The following GRID2 variants were observed in gnomAD, a reference collection of about 807,000 sequenced individuals.
The protein encoded by GRID2 is glutamate ionotropic receptor delta type subunit 2, also known as glutamate receptor ionotropic, delta-2.
Under a neutral mutation model 114.8 loss-of-function variants are expected in GRID2, and 33 were observed. The observed-to-expected ratio is 0.29, with a 90% CI of 0.22 to 0.38. GRID2 has a LOEUF of 0.38. Among genes scored for constraint, GRID2 ranks in the 10% least tolerant of loss-of-function variants. The pLI is 1.00. For synonymous variants in GRID2, 505 were observed against 449.9 expected, an observed-to-expected ratio of 1.12 and a Z score of -1.55; for missense variants, 1,184 against 1,257.7, an observed-to-expected ratio of 0.94 and a Z score of 0.89.
chr4:93,474,856 A>G (rs1304111519), intron 11 of GRID2, among the ~76,000 whole-genome samples: 1 of 152,184 alleles, frequency 6.6e-6, no homozygotes, highest in Non-Finnish European at 1.5e-5. Flanking sequence ...AGATTAAATA[A>G]GAATACAGTT....
intron 1 of GRID2, among the ~76,000 whole-genome samples, chr4:92,393,081 A>G (rs1389718544): frequency 1.3e-5 from 2 of 152,146 alleles, no homozygotes; most frequent in Admixed American, 6.5e-5. Context: ...AGAAGCGGGC[A>G]CTTCACATGG....
In GRID2 at chr4:92,938,282, G is replaced by T. The variant is rs1287290373; in HGVS notation, c.245-146713G>T. On this transcript the variant is annotated intron_variant, in intron 2 of 15. Coordinates refer to ENST00000282020, the MANE Select transcript of GRID2 (RefSeq NM_001510.4). ...GATAAATTATCAGTTCTTATTTTTAGTTGGGATTCTTTTCTTATCAATAGC... is the reference window on the plus strand; with the variant it reads ...GATAAATTATCAGTTCTTATTTTTATTTGGGATTCTTTTCTTATCAATAGC... Among the ~76,000 whole-genome samples, 3 of 146,364 alleles carry T rather than the reference G, an allele frequency of 2.0e-5. 1 individual carries two copies. Among genetic ancestry groups the T allele is most frequent in the Non-Finnish European group, 4.5e-5 (3 of 66,148 alleles).
intron 2 of GRID2, among the ~76,000 whole-genome samples, chr4:92,708,711 G>GA (rs1735069312): frequency 6.6e-6 from 1 of 151,866 alleles, no homozygotes; most frequent in South Asian, 2.1e-4. Context: ...TGTTTGTAGC[G>GA]AATGTCTTTT....
chr4:92,450,948 T>G (rs911099158), intron 1 of GRID2, among the ~76,000 whole-genome samples: 1 of 150,276 alleles, frequency 6.7e-6, no homozygotes, highest in African/African-American at 2.4e-5. Context: ...ATAAATTTAA[T>G]TTAAATTTAT....
intron 2 of GRID2, among the ~76,000 whole-genome samples, chr4:92,683,108 G>C (rs1443972878): frequency 6.6e-6 from 1 of 152,086 alleles, no homozygotes; most frequent in Non-Finnish European, 1.5e-5. Context: ...GACCATCCTG[G>C]CTAACACGGT....
intron 1 of GRID2, among the ~76,000 whole-genome samples, chr4:93,785,681 C>T (rs1387570399): frequency 2.0e-5 from 3 of 152,098 alleles, no homozygotes; most frequent in Admixed American, 6.5e-5. Context: ...GACTTTAAAG[C>T]GGTGACCTGA....
At chr4:93,211,376 A>C (rs1368095783) in intron 5 of GRID2, among the ~76,000 whole-genome samples, 1 of 152,140 alleles carries the variant, frequency 6.6e-6, no homozygotes, top group Non-Finnish European at 1.5e-5. Context: ...ATTATGATTC[A>C]TGTTTTTAAA....
intron 14 of GRID2, among the ~76,000 whole-genome samples, chr4:93,683,290 A>G (rs1344026505): frequency 6.6e-6 from 1 of 152,176 alleles, no homozygotes; most frequent in African/African-American, 2.4e-5. Context: ...AATGCACTGA[A>G]TTTTAATCAT....
intron 2 of GRID2, among the ~76,000 whole-genome samples, chr4:92,682,682 G>GCACACACACACA (rs57217377): frequency 0.017 from 2,439 of 142,752 alleles, 23 homozygotes; most frequent in Non-Finnish European, 0.021. Flanking sequence ...AAATCGCAGG[G>GCACACACACACA]CACACACACA....
At chr4:92,705,400 A>G (rs980210748) in intron 2 of GRID2, among the ~76,000 whole-genome samples, 25 of 152,182 alleles carry the variant, frequency 1.6e-4, no homozygotes, top group Non-Finnish European at 1.9e-4. Context: ...GAAAGTGCTT[A>G]AGAAATATGA....
intron 8 of GRID2, among the ~76,000 whole-genome samples, chr4:93,339,108 T>C (rs970192127): frequency 6.6e-6 from 1 of 152,184 alleles, no homozygotes; most frequent in African/African-American, 2.4e-5. Flanking sequence ...GAGGCATTGC[T>C]TCATGTTATT....
At chr4:93,001,342 T>A (rs1408081666) in intron 2 of GRID2, among the ~76,000 whole-genome samples, 1 of 151,668 alleles carries the variant, frequency 6.6e-6, no homozygotes, top group Non-Finnish European at 1.5e-5. Flanking sequence ...TCATTAGTGA[T>A]GATTATATAA....
At chr4:92,951,018 G>C (rs945625893) in intron 2 of GRID2, among the ~76,000 whole-genome samples, 20 of 152,014 alleles carry the variant, frequency 1.3e-4, no homozygotes, top group African/African-American at 4.3e-4. Context: ...ATATTGCTTT[G>C]TTCTTCTAAA....
At chr4:92,627,825 C>A (rs910457305) in intron 2 of GRID2, among the ~76,000 whole-genome samples, 3 of 152,054 alleles carry the variant, frequency 2.0e-5, no homozygotes, top group Non-Finnish European at 4.4e-5. Context: ...CCTAGACAAA[C>A]AACAAAACAA....
intron 1 of GRID2, among the ~76,000 whole-genome samples, chr4:92,585,872 G>A (rs1728410381): frequency 6.6e-6 from 1 of 151,742 alleles, no homozygotes; most frequent in Non-Finnish European, 1.5e-5. Flanking sequence ...GGGTTTTCTG[G>A]AATCGTAATA....
intron 1 of GRID2, among the ~76,000 whole-genome samples, chr4:92,453,626 G>A (rs1477643398): frequency 6.6e-6 from 1 of 152,006 alleles, no homozygotes; most frequent in Non-Finnish European, 1.5e-5. Flanking sequence ...AAATTTCCAT[G>A]TACTATATTA....
intron 2 of GRID2, among the ~76,000 whole-genome samples, chr4:92,653,288 C>T (rs1732061301): frequency 2.0e-5 from 3 of 147,876 alleles, no homozygotes; most frequent in South Asian, 4.3e-4. Flanking sequence ...TGTGAGCCAT[C>T]GCGCCTGGCC....
intron 14 of GRID2, among the ~76,000 whole-genome samples, chr4:93,741,196 T>TATAC (rs1731380406): frequency 3.3e-5 from 1 of 29,992 alleles, no homozygotes; most frequent in Non-Finnish European, 5.9e-5. Flanking sequence ...TATATATATA[T>TATAC]ATATGTATAT....
At chr4:93,024,599 T>C (rs1723709642) in intron 2 of GRID2, among the ~76,000 whole-genome samples, 1 of 151,780 alleles carries the variant, frequency 6.6e-6, no homozygotes, top group Admixed American at 6.6e-5. Context: ...CATTATTTTA[T>C]ATATTTTAAA....
Sources: gnomAD v4.1 joint callset for allele counts (sites outside exome capture counted in the v4.1 genomes callset) on GRCh38, gnomAD v4.1.1 for gene constraint, MANE v1.5 for transcripts, NCBI Gene and HGNC (gene_info 2026-07-23, HGNC 2026-07-21) for gene names.